Variants in CACUL1 observed in about 807,000 individuals in gnomAD.
CACUL1 encodes the protein CDK2 associated cullin domain 1, also known as CDK2-associated and cullin domain-containing protein 1.
A neutral mutation model predicts 45.2 loss-of-function variants in CACUL1; 13 were observed. The ratio of observed to expected loss-of-function variants is 0.29; its 90% CI spans 0.19 to 0.46. CACUL1 has a LOEUF of 0.46. Among genes scored for constraint, CACUL1 ranks in the 20% least tolerant of loss-of-function variants. CACUL1 has a pLI of 1.00. For missense variants in CACUL1, 421 were observed against 471.4 expected, an observed-to-expected ratio of 0.89 and a Z score of 0.99; for synonymous variants, 197 against 174.2, an observed-to-expected ratio of 1.13 and a Z score of -1.03.
chr10:118,721,998 T>C (rs1845605101), intron 3 of CACUL1, among the ~76,000 whole-genome samples: 2 of 152,108 alleles, frequency 1.3e-5, no homozygotes, highest in South Asian at 4.1e-4. Flanking sequence ...ATGATAGTAG[T>C]CCCCCACCTT....
chr10:118,693,476 A>T, intron 6 of CACUL1: 1 of 211,490 alleles, frequency 4.7e-6, no homozygotes, highest in Non-Finnish European at 9.8e-6. Context: ...TTCTCCTTAC[A>T]AGTAGTATAA....
chr10:118,748,205 G>C (rs1013186600), intron 1 of CACUL1, among the ~76,000 whole-genome samples: 1 of 152,202 alleles, frequency 6.6e-6, no homozygotes, highest in Admixed American at 6.5e-5. Context: ...CACGCACTCC[G>C]ACATGTCTTA....
At chr10:118,713,353 G>A (rs576961003) in intron 3 of CACUL1, among the ~76,000 whole-genome samples, 2 of 152,316 alleles carry the variant, frequency 1.3e-5, no homozygotes, top group African/African-American at 4.8e-5. Flanking sequence ...CACAGCTGTG[G>A]ATTGGGTGGC....
chr10:118,731,342 T>C (rs954015541), intron 1 of CACUL1, among the ~76,000 whole-genome samples: 1 of 152,230 alleles, frequency 6.6e-6, no homozygotes, highest in Admixed American at 6.5e-5. Flanking sequence ...CTGTCAGAGA[T>C]ACCAGGTAAA....
chr10:118,722,139 A>T (rs928075346), intron 3 of CACUL1, among the ~76,000 whole-genome samples: 1 of 150,954 alleles, frequency 6.6e-6, no homozygotes, highest in African/African-American at 2.4e-5. Flanking sequence ...GCTAGAGTGC[A>T]ATGGTGCGAT....
chr10:118,726,303 G>A (rs529610805), intron 3 of CACUL1: 2 of 1,286,228 alleles, frequency 1.6e-6, no homozygotes, highest in South Asian at 2.5e-5. Flanking sequence ...AGGAGTAGTG[G>A]TCATCTGAAG....
At chr10:118,732,970 T>C (rs1303521127) in intron 1 of CACUL1, among the ~76,000 whole-genome samples, 2 of 151,822 alleles carry the variant, frequency 1.3e-5, no homozygotes, top group Non-Finnish European at 2.9e-5. Context: ...AAGTTGAGAG[T>C]TGAAGGTTAG....
intron 7 of CACUL1, among the ~76,000 whole-genome samples, chr10:118,687,455 T>A (rs10787853): frequency 5.9e-5 from 9 of 152,104 alleles, no homozygotes; most frequent in African/African-American, 2.2e-4. Flanking sequence ...TCCTCTCTTT[T>A]CCTCATTCTG....
chr10:118,750,730 T>C (rs1414709549), intron 1 of CACUL1, among the ~76,000 whole-genome samples: 1 of 152,246 alleles, frequency 6.6e-6, no homozygotes, highest in Non-Finnish European at 1.5e-5. Flanking sequence ...CAAGCAAGTA[T>C]ACGTTTTCCT....
intron 1 of CACUL1, among the ~76,000 whole-genome samples, chr10:118,745,090 A>G (rs1039589216): frequency 6.6e-6 from 1 of 152,256 alleles, no homozygotes; most frequent in African/African-American, 2.4e-5. Flanking sequence ...ATGGAAGTAT[A>G]CTGCTATTAG....
chr10:118,702,502 A>C (rs1338629742), intron 4 of CACUL1, among the ~76,000 whole-genome samples: 1 of 152,208 alleles, frequency 6.6e-6, no homozygotes, highest in East Asian at 1.9e-4. Flanking sequence ...TTATTTACTT[A>C]AATCACTTTG....
intron 1 of CACUL1, among the ~76,000 whole-genome samples, chr10:118,735,084 G>T (rs377151790): frequency 1.1e-4 from 16 of 152,334 alleles, no homozygotes; most frequent in East Asian, 5.8e-4. Flanking sequence ...ACTCTAAACA[G>T]TATATGACAC....
At chr10:118,701,529 T>TCAACATCCAA in intron 4 of CACUL1, 121 bp from the exon 5 acceptor site, 1 of 488,918 alleles carries the variant, frequency 2.0e-6, no homozygotes, top group Non-Finnish European at 3.6e-6. Flanking sequence ...GCAGAAAAAC[T>TCAACATCCAA]CAACATCCAA....
intron 1 of CACUL1, among the ~76,000 whole-genome samples, chr10:118,744,874 T>C (rs1255932765): frequency 2.0e-5 from 3 of 152,134 alleles, no homozygotes; most frequent in African/African-American, 7.2e-5. Context: ...CAGGCTGGTC[T>C]CAAACTCCTG....
chr10:118,750,562 T>A (rs373489623), intron 1 of CACUL1, among the ~76,000 whole-genome samples: 2 of 152,180 alleles, frequency 1.3e-5, no homozygotes, highest in Non-Finnish European at 2.9e-5. Context: ...GTCCCAAAAC[T>A]AGAAACCAAC....
intron 6 of CACUL1, among the ~76,000 whole-genome samples, chr10:118,694,264 G>A (rs1427227402): frequency 6.6e-6 from 1 of 152,132 alleles, no homozygotes; most frequent in African/African-American, 2.4e-5. Context: ...AAGCAAACAA[G>A]CCATCAATTA....
intron 5 of CACUL1, among the ~76,000 whole-genome samples, chr10:118,697,595 A>G (rs1373050595): frequency 6.6e-6 from 1 of 152,248 alleles, no homozygotes. Flanking sequence ...CTTGCTCAGG[A>G]GACTCTCTCC....
intron 5 of CACUL1, among the ~76,000 whole-genome samples, chr10:118,699,939 C>T (rs1368258318): frequency 1.3e-5 from 2 of 152,000 alleles, no homozygotes; most frequent in Admixed American, 6.6e-5. Context: ...TGAGCCACTG[C>T]GCCCGGCCAA....
intron 1 of CACUL1, among the ~76,000 whole-genome samples, chr10:118,738,793 A>G (rs1455468197): frequency 6.6e-6 from 1 of 151,828 alleles, no homozygotes; most frequent in Non-Finnish European, 1.5e-5. Flanking sequence ...AAGATAATCC[A>G]GAGAATAGAA....
Sources: gnomAD v4.1 joint callset for allele counts (sites outside exome capture counted in the v4.1 genomes callset) on GRCh38, gnomAD v4.1.1 for gene constraint, MANE v1.5 for transcripts, NCBI Gene and HGNC (gene_info 2026-07-23, HGNC 2026-07-21) for gene names.